Variants in SLC35A3 observed in about 807,000 individuals in gnomAD.
SLC35A3 encodes solute carrier family 35 member A3.
In SLC35A3, 26 loss-of-function variants were observed where a neutral mutation model predicts 39.0. The observed-to-expected ratio is 0.67, with a 90% CI of 0.49 to 0.92. SLC35A3 has a LOEUF of 0.92. SLC35A3 is among the 40% of genes least tolerant of loss of function. SLC35A3 has a pLI of 0.00. For synonymous variants in SLC35A3, 135 were observed against 133.1 expected (o/e 1.01, Z -0.10); for missense variants, 299 against 371.6 (o/e 0.80, Z 1.61).
chr1:99,971,119 C>T (rs553380675), intron 1 of SLC35A3, among the ~76,000 whole-genome samples: 1 of 152,266 alleles, frequency 6.6e-6, no homozygotes, highest in Non-Finnish European at 1.5e-5. Context: ...ACTTTTAAAG[C>T]CAAAGATCTT....
chr1:99,979,809 C>T (rs1234393065), intron 1 of SLC35A3, among the ~76,000 whole-genome samples: 3 of 151,672 alleles, frequency 2.0e-5, no homozygotes, highest in Admixed American at 6.6e-5. Context: ...TTTGAGAGGC[C>T]GAGGTGGGTG....
At chr1:99,999,700 T>G (rs1283007757) in intron 3 of SLC35A3, among the ~76,000 whole-genome samples, 2 of 152,146 alleles carry the variant, frequency 1.3e-5, no homozygotes, top group Non-Finnish European at 2.9e-5. Context: ...TCTAACTCAA[T>G]TTTTGTACCC....
At chr1:99,993,839 G>T in intron 2 of SLC35A3, 98 bp downstream of exon 2, 1 of 1,021,516 alleles carries the variant, frequency 9.8e-7, no homozygotes, top group Non-Finnish European at 1.5e-6. Context: ...TTGTCGAATG[G>T]CCTAGTATGA....
chr1:100,008,329 G>A (rs1659387926), intron 4 of SLC35A3: 1 of 151,384 alleles, frequency 6.6e-6, no homozygotes, highest in Admixed American at 6.6e-5. Context: ...CATAAATATT[G>A]CTTAGGGTAA....
intron 2 of SLC35A3, among the ~76,000 whole-genome samples, chr1:99,996,483 C>T (rs575999581): frequency 6.6e-6 from 1 of 152,242 alleles, no homozygotes; most frequent in African/African-American, 2.4e-5. Context: ...TCAAGGAAAT[C>T]AGATTAAAAC....
At chr1:99,999,114 T>C in intron 2 of SLC35A3, 147 bp from the exon 3 acceptor site, 1 of 440,504 alleles carries the variant, frequency 2.3e-6, no homozygotes, top group Non-Finnish European at 4.1e-6. Context: ...AAAATCAGCA[T>C]CATAAAGATA....
chr1:99,971,310 CTT>C (rs768562377), intron 1 of SLC35A3, among the ~76,000 whole-genome samples: 26 of 141,028 alleles, frequency 1.8e-4, no homozygotes, highest in Non-Finnish European at 1.6e-4. Flanking sequence ...CAATATGATT[CTT>C]TTTTTTTTTT....
At position 100,007,151 on chromosome 1, in the gene SLC35A3, G is replaced by T. The variant is rs1394113396; in HGVS notation, c.460G>T (p.Val154Leu). Reference sequence around the variant, plus strand: ...AATTTTGATGACAGGAGTTGCTTTTGTACAGGTAACTATTCAAGATAAGTA... The same window carrying T: ...AATTTTGATGACAGGAGTTGCTTTTTTACAGGTAACTATTCAAGATAAGTA... ...LVILMTGVAF[V>L]QWPSDSQLDS... The change falls in exon 4 of 8, where the codon GTA becomes TTA. Residue 154 changes from valine to leucine, a missense_variant. Coordinates refer to ENST00000533028, the MANE Select transcript of SLC35A3 (RefSeq NM_012243.3). The T allele has an allele frequency of 6.2e-7, 1 of 1,606,050 alleles. No homozygotes were observed. The highest frequency in any genetic ancestry group is 8.5e-7 in the Non-Finnish European group (1 of 1,176,358).
At chr1:99,976,818 G>T (rs919290894) in intron 1 of SLC35A3, among the ~76,000 whole-genome samples, 1 of 152,164 alleles carries the variant, frequency 6.6e-6, no homozygotes, top group Admixed American at 6.5e-5. Flanking sequence ...AAGGGTGCAG[G>T]GTTGGAGGAG....
chr1:100,034,589 A>C lies in SLC35A3; in HGVS notation c.*12113A>C, dbSNP rs545723603. On this transcript the variant is annotated 3_prime_UTR_variant, in exon 8 of 8. Coordinates refer to ENST00000533028, the MANE Select transcript of SLC35A3 (RefSeq NM_012243.3). ...TTCTATTCATGATTAAATGTGTAGG[A>C]TCTTCTTCAATCAGCAATAACAGGT... is the stretch of plus-strand genomic sequence containing the variant. 1 of 152,220 alleles carries C rather than the reference A, an allele frequency of 6.6e-6. No homozygotes were observed. The highest frequency in any genetic ancestry group is 2.1e-4 in the South Asian group (1 of 4,826). 9.4% of individuals were successfully genotyped at this position (152,220 alleles called of 1,614,324 possible).
intron 1 of SLC35A3, among the ~76,000 whole-genome samples, chr1:99,973,964 A>G (rs1274701251): frequency 1.3e-5 from 2 of 151,678 alleles, no homozygotes; most frequent in South Asian, 2.1e-4. Flanking sequence ...GCAGTGAGCC[A>G]AAATCGCTCC....
At chr1:99,991,151 G>GT (rs776110234) in intron 1 of SLC35A3, among the ~76,000 whole-genome samples, 9 of 152,026 alleles carry the variant, frequency 5.9e-5, no homozygotes, top group Non-Finnish European at 1.0e-4. Flanking sequence ...ACCAGGTTTT[G>GT]TTTTTTTGTT....
rs985877474 is a variant in SLC35A3, at chr1:100,034,801, T to C, written c.*12325T>C. On this transcript the variant is annotated 3_prime_UTR_variant, in exon 8 of 8. Transcript: ENST00000533028. ...ATCTTTTACTTTTGGCCACTTGCCT[T>C]TCTTTCCAAGGAATCCCACTCCCTT... 1 of 152,240 alleles carries C rather than the reference T, an allele frequency of 6.6e-6. No homozygotes were observed. Among genetic ancestry groups the C allele is most frequent in the Non-Finnish European group, 1.5e-5 (1 of 68,044 alleles). The allele number at this position is 152,240 out of a possible 1,614,324, so 9.4% of individuals were successfully genotyped here. A position where few individuals can be genotyped will look rare whatever the true frequency, so the allele number is the denominator to read the frequency against.
rs1402951227 is a variant in SLC35A3 at position 100,026,585 on chromosome 1, T to C, written c.*4109T>C. 1.3e-5 allele frequency: 2 copies of C among 152,202 alleles called. No individual in the cohort carries two copies. Among genetic ancestry groups the C allele is most frequent in the African/African-American group, 4.8e-5 (2 of 41,464 alleles). 9.4% of individuals were successfully genotyped at this position (152,202 alleles called of 1,614,324 possible). A position where few individuals can be genotyped will look rare whatever the true frequency, so the allele number is the denominator to read the frequency against. The stretch of plus-strand genomic sequence containing the variant: ...CATTAACAAAATTAAAATAGGTATA[T>C]TACAAAAGCATAAACATTTGTGAAC... On this transcript the variant is annotated 3_prime_UTR_variant, in exon 8 of 8. Coordinates refer to ENST00000533028, the MANE Select transcript of SLC35A3 (RefSeq NM_012243.3).
intron 1 of SLC35A3, among the ~76,000 whole-genome samples, chr1:99,990,727 T>C (rs1002627621): frequency 2.0e-5 from 3 of 152,196 alleles, no homozygotes; most frequent in African/African-American, 4.8e-5. Context: ...GCTCTTCTCC[T>C]CTCTGTCCCC....
chr1:100,019,309 A>G (rs935600943), intron 7 of SLC35A3, among the ~76,000 whole-genome samples: 3 of 152,154 alleles, frequency 2.0e-5, no homozygotes, highest in Non-Finnish European at 4.4e-5. Context: ...CTGTAAATTC[A>G]CGTTTCTGAG....
chr1:99,970,468 G>C, intron 1 of SLC35A3: 1 of 1,110,016 alleles, frequency 9.0e-7, no homozygotes, highest in South Asian at 1.4e-5. Flanking sequence ...GTGCCTCAGC[G>C]CCTGGTGCGT....
chr1:100,003,341 A>C (rs2101249750), intron 3 of SLC35A3, among the ~76,000 whole-genome samples: 1 of 146,972 alleles, frequency 6.8e-6, no homozygotes, highest in East Asian at 2.1e-4. Flanking sequence ...GCTTGAACCC[A>C]GGAGGCGGAG....
chr1:100,023,422 T>C lies in SLC35A3; in HGVS notation c.*946T>C, dbSNP rs915696623. 4 of 152,256 alleles carry C rather than the reference T, an allele frequency of 2.6e-5. No homozygotes were observed. Among genetic ancestry groups the C allele is most frequent in the African/African-American group, 7.2e-5 (3 of 41,472 alleles). The allele number at this position is 152,256 out of a possible 1,614,324, so 9.4% of individuals were successfully genotyped here. A position where few individuals can be genotyped will look rare whatever the true frequency, so the allele number is the denominator to read the frequency against. Reference sequence around the variant, plus strand: ...CTATCAAGCATATACTGTATACAGTTAGAAAGTTATTAAATGAACATTTTA... The same window carrying C: ...CTATCAAGCATATACTGTATACAGTCAGAAAGTTATTAAATGAACATTTTA... On this transcript the variant is annotated 3_prime_UTR_variant, in exon 8 of 8. Transcript: ENST00000533028.
Sources: gnomAD v4.1 joint callset for allele counts (sites outside exome capture counted in the v4.1 genomes callset) on GRCh38, gnomAD v4.1.1 for gene constraint, MANE v1.5 for transcripts, NCBI Gene and HGNC (gene_info 2026-07-23, HGNC 2026-07-21) for gene names.